LHCGR: variants seen among roughly 807,000 people sequenced by gnomAD.
LHCGR encodes luteinizing hormone/choriogonadotropin receptor.
LHCGR carries 55 observed loss-of-function variants against 60.7 expected under a neutral mutation model. The ratio of observed to expected loss-of-function variants is 0.91; its 90% CI spans 0.73 to 1.13. The LOEUF (loss-of-function observed/expected upper bound fraction) is 1.13, where lower values mean the gene tolerates loss of function less well. Among genes scored for constraint, LHCGR ranks in the 50% most tolerant of loss-of-function variants. The pLI, the probability that LHCGR is intolerant of heterozygous loss-of-function variation, is 0.00. For synonymous variants in LHCGR, 337 were observed against 316.5 expected (o/e 1.06, Z -0.69); for missense variants, 862 against 836.0 (o/e 1.03, Z -0.38).
chr2:48,695,023 T>G (rs1463674460), intron 9 of LHCGR, among the ~76,000 whole-genome samples: 1 of 152,172 alleles, frequency 6.6e-6, no homozygotes, highest in Non-Finnish European at 1.5e-5. Flanking sequence ...TGATTTGCAT[T>G]TCTCTGATGA....
chr2:48,712,417 A>G (rs1668036341), intron 7 of LHCGR, among the ~76,000 whole-genome samples: 1 of 152,124 alleles, frequency 6.6e-6, no homozygotes, highest in African/African-American at 2.4e-5. Flanking sequence ...ATCTGAGAGA[A>G]CTGTGCCAGG....
intron 1 of LHCGR, among the ~76,000 whole-genome samples, chr2:48,742,389 A>AT (rs1399541322): frequency 1.3e-5 from 2 of 150,160 alleles, no homozygotes; most frequent in African/African-American, 4.9e-5. Flanking sequence ...CAGAATATAC[A>AT]TTTTTTTCAG....
At chr2:48,740,347 A>T (rs1475631967) in intron 1 of LHCGR, among the ~76,000 whole-genome samples, 1 of 152,246 alleles carries the variant, frequency 6.6e-6, no homozygotes, top group Non-Finnish European at 1.5e-5. Context: ...ACCACAGCTC[A>T]AGAAGGCCTG....
chr2:48,741,905 T>A (rs971362869), intron 1 of LHCGR, among the ~76,000 whole-genome samples: 22 of 151,838 alleles, frequency 1.4e-4, no homozygotes, highest in Non-Finnish European at 2.5e-4. Context: ...GCAAATTGGA[T>A]AAAGAGTCAA....
At chr2:48,740,008 G>A (rs1669368701) in intron 1 of LHCGR, among the ~76,000 whole-genome samples, 1 of 152,196 alleles carries the variant, frequency 6.6e-6, no homozygotes. Flanking sequence ...CTGAAGCAGG[G>A]CGAGGCATCA....
intron 1 of LHCGR, among the ~76,000 whole-genome samples, chr2:48,738,777 A>G (rs1219155362): frequency 1.3e-5 from 2 of 152,268 alleles, no homozygotes; most frequent in Admixed American, 1.3e-4. Context: ...AATGTAAAAT[A>G]TCTCAGTAAT....
chr2:48,706,935 TG>T (rs1667712789), intron 8 of LHCGR, among the ~76,000 whole-genome samples: 1 of 152,228 alleles, frequency 6.6e-6, no homozygotes, highest in South Asian at 2.1e-4. Flanking sequence ...GTTCCCTTGC[TG>T]GTGAGGAGTG....
chr2:48,701,042 A>G (rs1667381772), intron 8 of LHCGR, among the ~76,000 whole-genome samples: 1 of 152,098 alleles, frequency 6.6e-6, no homozygotes, highest in Non-Finnish European at 1.5e-5. Flanking sequence ...AGGAACTAGC[A>G]CAGTCAGGGC....
rs1328837979 is a variant in LHCGR at position 48,738,694 on chromosome 2, A to G, written c.162-7396T>C. Among the ~76,000 whole-genome samples, 6 of 152,326 alleles carry G rather than the reference A, an allele frequency of 3.9e-5. No homozygotes were observed. In the East Asian group the frequency reaches 1.2e-3, roughly 29 times the overall value. ...TGTGGCCACTGGGCAGTTGAAATAT[A>G]GGCCAGTCTGAATTGAGATGAGCTG... On this transcript the variant is annotated intron_variant, in intron 1 of 10. Transcript: ENST00000294954.
At position 48,691,588 on chromosome 2, in the gene LHCGR, G is replaced by T. The variant is rs955071495; in HGVS notation, c.947+2636C>A. 3.9e-5 allele frequency among the ~76,000 whole-genome samples: 6 copies of T among 152,326 alleles called. No individual in the cohort carries two copies. The South Asian group carries it at 1.2e-3, about 32-fold the overall frequency. On this transcript the variant is annotated intron_variant, in intron 10 of 10. Coordinates refer to ENST00000294954, the MANE Select transcript of LHCGR (RefSeq NM_000233.4). ...AGGCCGGGCGCGGTGGCTCATGCCTGTAATCCCAGCACTTTAGGAGGCTGA... is the reference window on the plus strand; with the variant it reads ...AGGCCGGGCGCGGTGGCTCATGCCTTTAATCCCAGCACTTTAGGAGGCTGA...
chr2:48,707,732 C>T (rs1005611073), intron 8 of LHCGR, among the ~76,000 whole-genome samples: 1 of 152,238 alleles, frequency 6.6e-6, no homozygotes, highest in Non-Finnish European at 1.5e-5. Flanking sequence ...ATGTCCCTTC[C>T]AGCATCTCAG....
At chr2:48,731,377 G>C (rs1470867153) in intron 1 of LHCGR, 79 bp from the exon 2 acceptor site, 5 of 912,514 alleles carry the variant, frequency 5.5e-6, no homozygotes, top group East Asian at 2.4e-5. Flanking sequence ...AAATGGGTAT[G>C]TGTATGTGTG....
At chr2:48,727,313 G>C (rs1286652358) in intron 3 of LHCGR, among the ~76,000 whole-genome samples, 1 of 152,076 alleles carries the variant, frequency 6.6e-6, no homozygotes, top group African/African-American at 2.4e-5. Context: ...CCTGACCTTA[G>C]CCCAGTCATT....
chr2:48,722,283 G>A (rs1326010347), intron 6 of LHCGR, among the ~76,000 whole-genome samples: 1 of 152,224 alleles, frequency 6.6e-6, no homozygotes, highest in South Asian at 2.1e-4. Context: ...CATGGGTTGA[G>A]TTATCTTAGT....
chr2:48,695,143 A>AT (rs1372270242), intron 9 of LHCGR, among the ~76,000 whole-genome samples: 6 of 151,754 alleles, frequency 4.0e-5, no homozygotes, highest in African/African-American at 9.7e-5. Context: ...GGGATTATTT[A>AT]TTTTTTTGCT....
chr2:48,732,616 C>G (rs1013801670), intron 1 of LHCGR, among the ~76,000 whole-genome samples: 5 of 152,102 alleles, frequency 3.3e-5, no homozygotes, highest in African/African-American at 9.7e-5. Flanking sequence ...CTCCAGACAT[C>G]CTTTCCCTGT....
intron 8 of LHCGR, among the ~76,000 whole-genome samples, chr2:48,701,420 G>A (rs552642116): frequency 5.8e-4 from 88 of 152,230 alleles, no homozygotes; most frequent in African/African-American, 2.0e-3. Flanking sequence ...CCTCCTTGCT[G>A]TTCTTCAAAT....
At chr2:48,716,521 C>A (rs1461757656) in intron 6 of LHCGR, among the ~76,000 whole-genome samples, 1 of 152,060 alleles carries the variant, frequency 6.6e-6, no homozygotes, top group East Asian at 1.9e-4. Flanking sequence ...TCATCAGTTT[C>A]ACATACTAGC....
Position 48,688,923 on chromosome 2 carries a change from T to A in LHCGR, c.948-74A>T. ...AAAAAATTCAAGAATTATGTTTCTT[T>A]AAAGGCAAAGAAACAAAAGGAAACA... On this transcript the variant is annotated intron_variant, in intron 10 of 10. Coordinates refer to ENST00000294954, the MANE Select transcript of LHCGR (RefSeq NM_000233.4). The surrounding 1 kb of genome is among the most constrained non-coding windows in gnomAD (Gnocchi z 5.2). The A allele has an allele frequency of 7.1e-7, 1 of 1,403,862 alleles. No homozygotes were observed. Among genetic ancestry groups the A allele is most frequent in the Non-Finnish European group, 1.0e-6 (1 of 999,600 alleles). The allele number at this position is 1,403,862 out of a possible 1,614,324, so 87.0% of individuals were successfully genotyped here.
Sources: gnomAD v4.1 joint callset for allele counts (sites outside exome capture counted in the v4.1 genomes callset) on GRCh38, gnomAD v4.1.1 for gene constraint, Gnocchi (gnomAD v3.1) non-coding constraint, MANE v1.5 for transcripts, NCBI Gene and HGNC (gene_info 2026-07-23, HGNC 2026-07-21) for gene names.